The following ADAMTS19 variants were observed in gnomAD, a reference collection of about 807,000 sequenced individuals.
ADAMTS19 encodes the protein A disintegrin and metalloproteinase with thrombospondin motifs 19.
A neutral mutation model predicts 153.3 loss-of-function variants in ADAMTS19; 93 were observed. The ratio of observed to expected loss-of-function variants is 0.61; its 90% CI spans 0.51 to 0.72. The LOEUF is 0.72. ADAMTS19 is among the 30% of genes least tolerant of loss of function. The pLI, the probability that ADAMTS19 is intolerant of heterozygous loss-of-function variation, is 0.00. For synonymous variants in ADAMTS19, 600 were observed against 556.6 expected, an observed-to-expected ratio of 1.08 and a Z score of -1.10; for missense variants, 1,482 against 1,552.1, an observed-to-expected ratio of 0.95 and a Z score of 0.76.
chr5:129,645,525 T>A (rs2127033799), intron 11 of ADAMTS19, among the ~76,000 whole-genome samples: 1 of 152,310 alleles, frequency 6.6e-6, no homozygotes, highest in South Asian at 2.1e-4. Context: ...TTCTTCAAAT[T>A]TCACTGATGT....
intron 21 of ADAMTS19, among the ~76,000 whole-genome samples, chr5:129,734,428 G>C (rs1460463553): frequency 6.6e-6 from 1 of 151,902 alleles, no homozygotes; most frequent in African/African-American, 2.4e-5. Flanking sequence ...ATCTGGCTAA[G>C]ACATCTTGAT....
intron 2 of ADAMTS19, among the ~76,000 whole-genome samples, chr5:129,488,288 A>G (rs891231445): frequency 5.9e-5 from 9 of 152,118 alleles, no homozygotes; most frequent in African/African-American, 2.2e-4. Flanking sequence ...ATTTCATTTC[A>G]CGAACAAAAA....
At chr5:129,476,035 G>A (rs1750213690) in intron 2 of ADAMTS19, among the ~76,000 whole-genome samples, 1 of 151,716 alleles carries the variant, frequency 6.6e-6, no homozygotes, top group Non-Finnish European at 1.5e-5. Context: ...TTTTTTCTCT[G>A]TGAAAATGAT....
chr5:129,721,185 C>T (rs1182110082), intron 21 of ADAMTS19, among the ~76,000 whole-genome samples: 4 of 152,080 alleles, frequency 2.6e-5, no homozygotes, highest in African/African-American at 9.7e-5. Context: ...GAGTGGATAC[C>T]TACTAAGCAT....
rs556521628 is a variant in ADAMTS19, at chr5:129,634,243, T to C, written c.1771-7616T>C. ...TACAGCCAAGCAGGGAGGTGAAAGA[T>C]CTCTACATGCAGAAATAGAAAATAC... On this transcript the variant is annotated intron_variant, in intron 10 of 22. Transcript: ENST00000274487. Among the ~76,000 whole-genome samples, 5 of 152,154 alleles carry C rather than the reference T, an allele frequency of 3.3e-5. No individual in the cohort carries two copies. In the South Asian group the frequency reaches 8.3e-4, roughly 25 times the overall value.
At chr5:129,464,587 C>T (rs1749792538) in intron 2 of ADAMTS19, among the ~76,000 whole-genome samples, 1 of 152,154 alleles carries the variant, frequency 6.6e-6, no homozygotes, top group Admixed American at 6.5e-5. Context: ...GGAAATAGAA[C>T]ATCAGCTATC....
At chr5:129,612,071 C>T (rs1441161018) in intron 8 of ADAMTS19, among the ~76,000 whole-genome samples, 1 of 151,200 alleles carries the variant, frequency 6.6e-6, no homozygotes, top group Non-Finnish European at 1.5e-5. Flanking sequence ...GTGCTACACC[C>T]ATTAACTCAT....
chr5:129,556,808 TG>T (rs1753330219), intron 7 of ADAMTS19, among the ~76,000 whole-genome samples: 1 of 152,150 alleles, frequency 6.6e-6, no homozygotes, highest in African/African-American at 2.4e-5. Context: ...TTCTAGAACA[TG>T]CAAAAACAAG....
At chr5:129,679,945 A>T in intron 17 of ADAMTS19, 24 bp downstream of exon 17, 1 of 1,598,340 alleles carries the variant, frequency 6.3e-7, no homozygotes, top group Non-Finnish European at 8.5e-7. Context: ...AATTGATAAC[A>T]TGGCATAATC....
intron 8 of ADAMTS19, among the ~76,000 whole-genome samples, chr5:129,606,147 C>T (rs1750880342): frequency 1.3e-5 from 2 of 152,054 alleles, no homozygotes; most frequent in South Asian, 4.1e-4. Flanking sequence ...TTTGGGGCAC[C>T]TGCTAAAATT....
intron 21 of ADAMTS19, among the ~76,000 whole-genome samples, chr5:129,721,341 C>A (rs1335942364): frequency 2.6e-5 from 4 of 152,056 alleles, no homozygotes; most frequent in African/African-American, 9.7e-5. Flanking sequence ...TAGCATTTGA[C>A]CCATCAAAAA....
At chr5:129,600,191 G>A (rs1184728790) in intron 8 of ADAMTS19, among the ~76,000 whole-genome samples, 1 of 152,012 alleles carries the variant, frequency 6.6e-6, no homozygotes, top group African/African-American at 2.4e-5. Flanking sequence ...GGTATCTACA[G>A]ATTCTATGTG....
At chr5:129,539,027 C>T (rs140398694) in intron 6 of ADAMTS19, among the ~76,000 whole-genome samples, 1 of 152,192 alleles carries the variant, frequency 6.6e-6, no homozygotes, top group Non-Finnish European at 1.5e-5. Flanking sequence ...TCATGCTATA[C>T]ACAGTTTTCT....
intron 6 of ADAMTS19, among the ~76,000 whole-genome samples, chr5:129,542,832 T>C (rs189832713): frequency 3.0e-4 from 46 of 152,242 alleles, no homozygotes; most frequent in Admixed American, 8.5e-4. Flanking sequence ...CTATTGACTT[T>C]TTAATAATTT....
intron 21 of ADAMTS19, among the ~76,000 whole-genome samples, chr5:129,720,713 G>C (rs868088598): frequency 1.3e-5 from 2 of 152,202 alleles, no homozygotes; most frequent in Non-Finnish European, 2.9e-5. Flanking sequence ...ACAAGAGTCA[G>C]AGGTCAATGG....
intron 3 of ADAMTS19, among the ~76,000 whole-genome samples, chr5:129,519,288 A>G (rs910364458): frequency 6.6e-6 from 1 of 152,072 alleles, no homozygotes; most frequent in African/African-American, 2.4e-5. Flanking sequence ...AGGACCTGGA[A>G]TGGAGGCCTC....
intron 7 of ADAMTS19, among the ~76,000 whole-genome samples, chr5:129,553,853 C>A (rs1349751324): frequency 6.6e-6 from 1 of 152,164 alleles, no homozygotes; most frequent in African/African-American, 2.4e-5. Context: ...CTTCTTGTCA[C>A]ACTACCTATG....
intron 8 of ADAMTS19, among the ~76,000 whole-genome samples, chr5:129,608,133 T>C (rs1176154186): frequency 7.4e-6 from 1 of 135,604 alleles, no homozygotes; most frequent in African/African-American, 2.7e-5. Context: ...TATATATATA[T>C]ATATATAATG....
Position 129,503,993 on chromosome 5 carries a change from G to A in ADAMTS19, c.748-5084G>A, listed in dbSNP as rs144951032. Reference sequence around the variant, plus strand: ...TTCTTCGAGTGTCTCGCTAATTCTCGGATGTACTTTATATTGGGACAATAG... The same window carrying A: ...TTCTTCGAGTGTCTCGCTAATTCTCAGATGTACTTTATATTGGGACAATAG... On this transcript the variant is annotated intron_variant, in intron 2 of 22. Coordinates refer to ENST00000274487, the MANE Select transcript of ADAMTS19 (RefSeq NM_133638.6). Among the ~76,000 whole-genome samples the A allele has an allele frequency of 4.6e-5, 7 of 152,140 alleles. No homozygotes were observed. The East Asian group carries it at 5.8e-4, about 13-fold the overall frequency.
Sources: allele counts gnomAD v4.1 joint callset (sites outside exome capture counted in the v4.1 genomes callset), GRCh38; gene constraint gnomAD v4.1.1; transcripts MANE v1.5; gene names NCBI Gene and HGNC (gene_info 2026-07-23, HGNC 2026-07-21).